The following ASB6 variants were observed in gnomAD, a reference collection of about 807,000 sequenced individuals.
ASB6 encodes the protein ankyrin repeat and SOCS box containing 6.
ASB6 carries 24 observed loss-of-function variants against 28.6 expected under a neutral mutation model. The observed-to-expected ratio is 0.84, with a 90% confidence interval of 0.61 to 1.18. The LOEUF (loss-of-function observed/expected upper bound fraction) is 1.18, where lower values mean the gene tolerates loss of function less well. Ranked by LOEUF, ASB6 falls within the 50% of genes most tolerant of loss-of-function variation. The pLI is 0.00. For synonymous variants in ASB6, 267 were observed against 243.4 expected (o/e 1.10, Z -0.90); for missense variants, 519 against 559.8 (o/e 0.93, Z 0.74).
In ASB6 at chr9:129,639,437, CCAG is replaced by C; in HGVS notation, c.364_366del (p.Leu122del). 6.2e-7 allele frequency: 1 copy of C among 1,613,706 alleles called. No homozygotes were observed. Among genetic ancestry groups the C allele is most frequent in the Non-Finnish European group, 8.5e-7 (1 of 1,179,742 alleles). Reference sequence around the variant, plus strand: ...CGATTAACGTCGGCCCCGTGATGCACCAGCAGCTCCACCATGTCCGGCTGGTTC... The same window carrying C: ...CGATTAACGTCGGCCCCGTGATGCACCAGCTCCACCATGTCCGGCTGGTTC... On this transcript the variant is annotated inframe_deletion, in exon 3 of 6. Transcript: ENST00000277458.
At position 129,640,643 on chromosome 9, in the gene ASB6, A is replaced by C; in HGVS notation, c.193T>G (p.Tyr65Asp). 1 of 1,613,398 alleles carries C rather than the reference A, an allele frequency of 6.2e-7. No individual in the cohort carries two copies. The highest frequency in any genetic ancestry group is 1.1e-5 in the South Asian group (1 of 91,036). ...AGGGCGTTGCTCACGCCTTCCTGGTAAAAGGGAGAGTGGGCTTTCCTCTCC... is the reference window on the plus strand; with the variant it reads ...AGGGCGTTGCTCACGCCTTCCTGGTCAAAGGGAGAGTGGGCTTTCCTCTCC... ...LLERKAHSPF[Y>D]QEGVSNALLK... Residue 65 changes from tyrosine to aspartate, a missense_variant, in exon 2 of 6, where the codon TAC (tyrosine) becomes GAC (aspartate). Coordinates refer to ENST00000277458, the MANE Select transcript of ASB6 (RefSeq NM_017873.4).
At chr9:129,640,743 A>C (rs2119016430) in intron 1 of ASB6, 21 bp from the exon 2 acceptor site, 1 of 1,613,300 alleles carries the variant, frequency 6.2e-7, no homozygotes, top group African/African-American at 1.3e-5. Flanking sequence ...AGAGAGGCTG[A>C]GGGTAGGCAC....
At position 129,636,150 on chromosome 9, in the gene ASB6, C is replaced by A. The variant is rs908546378; in HGVS notation, c.*1640G>T. 1 of 151,768 alleles carries A rather than the reference C, an allele frequency of 6.6e-6. No homozygotes were observed. The highest frequency in any genetic ancestry group is 1.5e-5 in the Non-Finnish European group (1 of 67,990). The allele number at this position is 151,768 out of a possible 1,614,324, so 9.4% of individuals were successfully genotyped here. A position where few individuals can be genotyped will look rare whatever the true frequency, so the allele number is the denominator to read the frequency against. The stretch of plus-strand genomic sequence containing the variant: ...CTGTAATCCCAGCACTTTGGGAGGC[C>A]GAGGCGGGCAGATCACGAGGTCAGG... On this transcript the variant is annotated 3_prime_UTR_variant, in exon 6 of 6. Transcript: ENST00000277458.
chr9:129,640,240 G>C (rs768549154), intron 2 of ASB6, among the ~76,000 whole-genome samples: 2 of 152,224 alleles, frequency 1.3e-5, no homozygotes, highest in Non-Finnish European at 2.9e-5. Flanking sequence ...AGTGCCAGCA[G>C]CCGCATTTTT....
At position 129,635,362 on chromosome 9, in the gene ASB6, C is replaced by T. The variant is rs1458921444; in HGVS notation, c.*2428G>A. The T allele has an allele frequency of 6.2e-7, 1 of 1,613,790 alleles. No individual in the cohort carries two copies. The highest frequency in any genetic ancestry group is 8.5e-7 in the Non-Finnish European group (1 of 1,180,026). Reference sequence around the variant, plus strand: ...GCGTGTGCCGGGACCTTGACGTGGTCCGCAGGATCATCTGCAGTGCAGGCC... The same window carrying T: ...GCGTGTGCCGGGACCTTGACGTGGTTCGCAGGATCATCTGCAGTGCAGGCC... On this transcript the variant is annotated 3_prime_UTR_variant, in exon 6 of 6. Coordinates refer to ENST00000277458, the MANE Select transcript of ASB6 (RefSeq NM_017873.4).
At chr9:129,640,381 G>A (rs1831666105) in intron 2 of ASB6, 160 bp downstream of exon 2, 1 of 987,038 alleles carries the variant, frequency 1.0e-6, no homozygotes, top group Non-Finnish European at 1.4e-6. Flanking sequence ...GGGGGTGGGA[G>A]GCCACCCAAT....
rs776736337 is a variant in ASB6 at position 129,635,179 on chromosome 9, C to T, written c.*2611G>A. On this transcript the variant is annotated 3_prime_UTR_variant, in exon 6 of 6. Coordinates refer to ENST00000277458, the MANE Select transcript of ASB6 (RefSeq NM_017873.4). ...GTGCCGACATCCGCTTGCATGGTGC[C>T]CTGGTAACCTTGCCTCTGCCCTCCC... is the stretch of plus-strand genomic sequence containing the variant. 7.5e-6 allele frequency: 12 copies of T among 1,593,538 alleles called. No individual in the cohort carries two copies. Among genetic ancestry groups the T allele is most frequent in the Non-Finnish European group, 1.0e-5 (12 of 1,173,522 alleles).
At chr9:129,639,778 A>G (rs746904366) in intron 2 of ASB6, among the ~76,000 whole-genome samples, 23 of 152,196 alleles carry the variant, frequency 1.5e-4, no homozygotes, top group Non-Finnish European at 3.4e-4. Context: ...CCCTCTCAGA[A>G]TGGCTGGGAG....
chr9:129,638,294 G>A lies in ASB6; in HGVS notation c.762C>T (p.Ser254=), dbSNP rs200292613. The A allele has an allele frequency of 3.3e-5, 53 of 1,612,726 alleles. No individual in the cohort carries two copies. The highest frequency in any genetic ancestry group is 1.1e-4 in the African/African-American group (8 of 74,926). ...TGAGGGACTCGTGGGCTGGGCACTC[G>A]CTGGGGTCGGCCCCGTGTGCCAGCA... is the stretch of plus-strand genomic sequence containing the variant. The part of the protein sequence containing the change: ...RLLLAHGADP[S]ECPAHESLTH... Residue 254 remains serine (S), a synonymous_variant, in exon 6 of 6, where the codon AGC becomes AGT. Coordinates refer to ENST00000277458, the MANE Select transcript of ASB6 (RefSeq NM_017873.4).
At position 129,636,753 on chromosome 9, in the gene ASB6, C is replaced by G. The variant is rs1023367969; in HGVS notation, c.*1037G>C. 6.6e-6 allele frequency: 1 copy of G among 152,110 alleles called. No homozygotes were observed. The highest frequency in any genetic ancestry group is 2.4e-5 in the African/African-American group (1 of 41,476). The allele number at this position is 152,110 out of a possible 1,614,324, so 9.4% of individuals were successfully genotyped here. On this transcript the variant is annotated 3_prime_UTR_variant, in exon 6 of 6. Coordinates refer to ENST00000277458, the MANE Select transcript of ASB6 (RefSeq NM_017873.4). ...AGGCCCTTGCCAGTCTAGAGTGGTG[C>G]TTCTTTGCAGGGACTTGGAAACAAC...
chr9:129,639,660 C>T, intron 2 of ASB6, 152 bp from the exon 3 acceptor site: 1 of 685,522 alleles, frequency 1.5e-6, no homozygotes, highest in Non-Finnish European at 2.4e-6. Flanking sequence ...CAGAGCTGTC[C>T]TCACCAGATA....
At chr9:129,639,572 C>T in intron 2 of ASB6, 64 bp from the exon 3 acceptor site, 2 of 1,422,232 alleles carry the variant, frequency 1.4e-6, no homozygotes, top group Non-Finnish European at 1.9e-6. Context: ...GCCCCCGGAC[C>T]CAGAGCCCAG....
In ASB6 at chr9:129,635,465, G is replaced by A. The variant is rs769513261; in HGVS notation, c.*2325C>T. 1 of 1,603,550 alleles carries A rather than the reference G, an allele frequency of 6.2e-7. No individual in the cohort carries two copies. Among genetic ancestry groups the A allele is most frequent in the South Asian group, 1.1e-5 (1 of 90,814 alleles). ...TGTCTATAGCTTTGCCCTGAGATGA[G>A]CCGGGGCTGGCAGGAGAAACTGAGG... On this transcript the variant is annotated 3_prime_UTR_variant, in exon 6 of 6. Coordinates refer to ENST00000277458, the MANE Select transcript of ASB6 (RefSeq NM_017873.4).
rs985223756 is a variant in ASB6, at chr9:129,637,625, C to T, written c.*165G>A. The stretch of plus-strand genomic sequence containing the variant: ...GGAAGAACCAGAGCTGCACCCTTCA[C>T]CACTGGAGTGATCACAGCTTCAGGC... On this transcript the variant is annotated 3_prime_UTR_variant, in exon 6 of 6. Coordinates refer to ENST00000277458, the MANE Select transcript of ASB6 (RefSeq NM_017873.4). 9 of 651,436 alleles carry T rather than the reference C, an allele frequency of 1.4e-5. No homozygotes were observed. Among genetic ancestry groups the T allele is most frequent in the African/African-American group, 3.7e-5 (2 of 54,574 alleles). 40.4% of individuals were successfully genotyped at this position (651,436 alleles called of 1,614,324 possible).
rs539480111 is a variant in ASB6, at chr9:129,640,650, A to G, written c.186T>C (p.Ser62=). Residue 62 remains serine, a synonymous_variant, in exon 2 of 6, where the codon TCT becomes TCC. Coordinates refer to ENST00000277458, the MANE Select transcript of ASB6 (RefSeq NM_017873.4). Reference sequence around the variant, plus strand: ...TGCTCACGCCTTCCTGGTAAAAGGGAGAGTGGGCTTTCCTCTCCAGCAGCT... The same window carrying G: ...TGCTCACGCCTTCCTGGTAAAAGGGGGAGTGGGCTTTCCTCTCCAGCAGCT... ...LTELLERKAH[S]PFYQEGVSNA... is the part of the protein sequence containing the mutation. The G allele has an allele frequency of 3.1e-6, 5 of 1,614,106 alleles. No homozygotes were observed. The African/African-American group carries it at 5.3e-5, about 17-fold the overall frequency.
chr9:129,637,758 C>T lies in ASB6; in HGVS notation c.*32G>A. 1 of 1,490,910 alleles carries T rather than the reference C, an allele frequency of 6.7e-7. No individual in the cohort carries two copies. The highest frequency in any genetic ancestry group is 9.0e-7 in the Non-Finnish European group (1 of 1,116,698). 92.4% of individuals were successfully genotyped at this position (1,490,910 alleles called of 1,614,324 possible). A position where few individuals can be genotyped will look rare whatever the true frequency, so the allele number is the denominator to read the frequency against. ...CTACCAACAGGCTGACCTGAGCTGC[C>T]CGTGTCCCCCGTTCCTGTAGCCTGA... is the stretch of plus-strand genomic sequence containing the variant. On this transcript the variant is annotated 3_prime_UTR_variant, in exon 6 of 6. Transcript: ENST00000277458.
chr9:129,641,356 A>C (rs1179670039), intron 1 of ASB6: 1 of 154,438 alleles, frequency 6.5e-6, no homozygotes, highest in Non-Finnish European at 1.4e-5. Flanking sequence ...ATTACTTGTC[A>C]GTCTCTCCTC....
Position 129,637,921 on chromosome 9 carries a change from A to G in ASB6, c.1135T>C (p.Cys379Arg), listed in dbSNP as rs780392964. The change falls in exon 6 of 6, where the codon TGC becomes CGC. Residue 379 changes from cysteine (C) to arginine (R), a missense_variant. Physicochemically the swap from Cys to Arg is radical, Grantham distance 180. Coordinates refer to ENST00000277458, the MANE Select transcript of ASB6 (RefSeq NM_017873.4). ...ESYPPPLKHL[C>R]RVAIRLYLQP... ...AGGTAGAGCCGGATGGCCACACGGC[A>G]CAGGTGCTTGAGGGGCGGGGGATAG... 6.3e-7 allele frequency: 1 copy of G among 1,591,332 alleles called. No homozygotes were observed. The highest frequency in any genetic ancestry group is 8.6e-7 in the Non-Finnish European group (1 of 1,168,152).
chr9:129,635,765 C>A lies in ASB6; in HGVS notation c.*2025G>T. 1 of 312,170 alleles carries A rather than the reference C, an allele frequency of 3.2e-6. No individual in the cohort carries two copies. Among genetic ancestry groups the A allele is most frequent in the Non-Finnish European group, 6.0e-6 (1 of 167,542 alleles). 19.3% of individuals were successfully genotyped at this position (312,170 alleles called of 1,614,324 possible). A position where few individuals can be genotyped will look rare whatever the true frequency, so the allele number is the denominator to read the frequency against. Reference sequence around the variant, plus strand: ...CCATGTGGGAATAGGGTGGCCACATCAGTAACCGATTCCCTGGGCCTCCAG... The same window carrying A: ...CCATGTGGGAATAGGGTGGCCACATAAGTAACCGATTCCCTGGGCCTCCAG... On this transcript the variant is annotated 3_prime_UTR_variant, in exon 6 of 6. Coordinates refer to ENST00000277458, the MANE Select transcript of ASB6 (RefSeq NM_017873.4).
Sources: gnomAD v4.1 joint callset for allele counts (sites outside exome capture counted in the v4.1 genomes callset) on GRCh38, gnomAD v4.1.1 for gene constraint, MANE v1.5 for transcripts, NCBI Gene and HGNC (gene_info 2026-07-23, HGNC 2026-07-21) for gene names.